Variants in RPL14 observed in about 807,000 individuals in gnomAD.
RPL14 encodes the protein ribosomal protein L14.
RPL14 carries 4 observed loss-of-function variants against 25.3 expected under a neutral mutation model. That is an observed-to-expected ratio of 0.16 (90% confidence interval 0.08 to 0.36). The LOEUF is 0.36. Among genes scored for constraint, RPL14 ranks in the 10% least tolerant of loss-of-function variants. The pLI is 1.00. For synonymous variants in RPL14, 75 were observed against 89.8 expected, an observed-to-expected ratio of 0.84 and a Z score of 0.93; for missense variants, 212 against 261.9, an observed-to-expected ratio of 0.81 and a Z score of 1.31.
At position 40,457,388 on chromosome 3, in the gene RPL14, G is replaced by A; in HGVS notation, c.-84G>A. ...GGTGAGTCTTACTGTTGCGGGCTCC[G>A]GGGCCGTCGACCATGCCGCTCGACC... On this transcript the variant is annotated 5_prime_UTR_variant, in exon 1 of 6. Transcript: ENST00000396203. The A allele has an allele frequency of 1.9e-6, 3 of 1,602,398 alleles. No individual in the cohort carries two copies. Among genetic ancestry groups the A allele is most frequent in the East Asian group, 4.6e-5 (2 of 43,782 alleles).
At position 40,464,938 on chromosome 3, in the gene RPL14, C is replaced by T; in HGVS notation, c.*2706C>T. On this transcript the variant is annotated 3_prime_UTR_variant, in exon 6 of 6. Coordinates refer to ENST00000396203, the MANE Select transcript of RPL14 (RefSeq NM_001034996.3). The stretch of plus-strand genomic sequence containing the variant: ...GACTGCAGACAATCTATACTAAAAT[C>T]CTGGCTCTGCCTCTTGAAAGCTATG... The T allele has an allele frequency of 5.8e-6, 1 of 172,854 alleles. No individual in the cohort carries two copies. Among genetic ancestry groups the T allele is most frequent in the Admixed American group, 5.6e-5 (1 of 17,952 alleles). The allele number at this position is 172,854 out of a possible 1,614,324, so 10.7% of individuals were successfully genotyped here. A position where few individuals can be genotyped will look rare whatever the true frequency, so the allele number is the denominator to read the frequency against.
Position 40,464,628 on chromosome 3 carries a change from A to G in RPL14, c.*2396A>G. ...TTTTTAAAATGGCGTGATATCTCAG[A>G]TTTAGATCATTGAACTGTTAAGACT... On this transcript the variant is annotated 3_prime_UTR_variant, in exon 6 of 6. Coordinates refer to ENST00000396203, the MANE Select transcript of RPL14 (RefSeq NM_001034996.3). 1 of 427,796 alleles carries G rather than the reference A, an allele frequency of 2.3e-6. No homozygotes were observed. Among genetic ancestry groups the G allele is most frequent in the South Asian group, 1.7e-5 (1 of 59,704 alleles). The allele number at this position is 427,796 out of a possible 1,614,324, so 26.5% of individuals were successfully genotyped here.
rs1456656696 is a variant in RPL14, at chr3:40,467,371, T to C, written c.*5139T>C. Reference sequence around the variant, plus strand: ...AAACTGGGTCCAGAGGCCTGAGAACTGGAAGGGCCAGTGGTGTAAGTCCTG... The same window carrying C: ...AAACTGGGTCCAGAGGCCTGAGAACCGGAAGGGCCAGTGGTGTAAGTCCTG... On this transcript the variant is annotated 3_prime_UTR_variant, in exon 6 of 6. Transcript: ENST00000396203. 6.6e-6 allele frequency: 1 copy of C among 152,230 alleles called. No individual in the cohort carries two copies. Among genetic ancestry groups the C allele is most frequent in the East Asian group, 1.9e-4 (1 of 5,204 alleles). The allele number at this position is 152,230 out of a possible 1,614,324, so 9.4% of individuals were successfully genotyped here. A position where few individuals can be genotyped will look rare whatever the true frequency, so the allele number is the denominator to read the frequency against.
rs28489421 is a variant in RPL14, at chr3:40,466,017, C to T, written c.*3785C>T. 38,856 of 151,718 alleles carry T rather than the reference C, an allele frequency of 0.26. 5,802 individuals carry two copies. The highest frequency in any genetic ancestry group is 0.48 in the East Asian group (2,439 of 5,110). The allele number at this position is 151,718 out of a possible 1,614,324, so 9.4% of individuals were successfully genotyped here. A position where few individuals can be genotyped will look rare whatever the true frequency, so the allele number is the denominator to read the frequency against. Reference sequence around the variant, plus strand: ...ACCAGCTTGGCCAACATGGTGAAACCCCGTCTTTACTAAAAATACAAAAAT... The same window carrying T: ...ACCAGCTTGGCCAACATGGTGAAACTCCGTCTTTACTAAAAATACAAAAAT... On this transcript the variant is annotated 3_prime_UTR_variant, in exon 6 of 6. Transcript: ENST00000396203.
rs1697030679 is a variant in RPL14, at chr3:40,466,577, C to A, written c.*4345C>A. 6.7e-6 allele frequency: 1 copy of A among 149,744 alleles called. No homozygotes were observed. Among genetic ancestry groups the A allele is most frequent in the Non-Finnish European group, 1.5e-5 (1 of 67,610 alleles). 9.3% of individuals were successfully genotyped at this position (149,744 alleles called of 1,614,324 possible). On this transcript the variant is annotated 3_prime_UTR_variant, in exon 6 of 6. Transcript: ENST00000396203. ...ATATTCAGGTTTAAATTCTGTCATTCAGCCCAAACTCATTACTTTATGTTA... is the reference window on the plus strand; with the variant it reads ...ATATTCAGGTTTAAATTCTGTCATTAAGCCCAAACTCATTACTTTATGTTA...
In RPL14 at chr3:40,457,924, C is replaced by T. The variant is rs181009417; in HGVS notation, c.38C>T (p.Ala13Val). The change falls in exon 2 of 6, where the codon GCC becomes GTC. Residue 13 changes from alanine to valine, a missense_variant. Physicochemically the swap from Ala to Val is moderately conservative, Grantham distance 64. Transcript: ENST00000396203. ...CGCTTCGTGGAGGTTGGCCGGGTGG[C>T]CTATGTCTCCTTTGGACCTCATGCC... ...FRRFVEVGRVAYVSFGPHAGK... is the reference protein window; with the variant it reads ...FRRFVEVGRVVYVSFGPHAGK... 6.2e-7 allele frequency: 1 copy of T among 1,614,202 alleles called. No individual in the cohort carries two copies. Among genetic ancestry groups the T allele is most frequent in the Admixed American group, 1.7e-5 (1 of 60,022 alleles).
At position 40,457,872 on chromosome 3, in the gene RPL14, T is replaced by C. The variant is rs1696868587; in HGVS notation, c.4-18T>C. Reference sequence around the variant, plus strand: ...TATTTCTAAGTAAGTTTCACTGTCCTTTCTCCTCCAATTTTAGGTGTTCAG... The same window carrying C: ...TATTTCTAAGTAAGTTTCACTGTCCCTTCTCCTCCAATTTTAGGTGTTCAG... On this transcript the variant is annotated intron_variant, in intron 1 of 5. Transcript: ENST00000396203. The C allele has an allele frequency of 1.9e-6, 3 of 1,610,628 alleles. No homozygotes were observed. Among genetic ancestry groups the C allele is most frequent in the Non-Finnish European group, 2.5e-6 (3 of 1,176,730 alleles).
At chr3:40,457,519 C>G (rs370120857) in intron 1 of RPL14, 45 bp downstream of exon 1, 44 of 1,434,640 alleles carry the variant, frequency 3.1e-5, no homozygotes, top group Non-Finnish European at 3.8e-5. Flanking sequence ...GGGCCCTTCC[C>G]GGACTCGCGC....
In RPL14 at chr3:40,464,140, A is replaced by G; in HGVS notation, c.*1908A>G. 1 of 291,106 alleles carries G rather than the reference A, an allele frequency of 3.4e-6. No individual in the cohort carries two copies. Among genetic ancestry groups the G allele is most frequent in the South Asian group, 3.4e-5 (1 of 29,414 alleles). 18.0% of individuals were successfully genotyped at this position (291,106 alleles called of 1,614,324 possible). ...TACCACCATGCCCCTCTAATATTGT[A>G]TTAGAGATGGGGTTTTGCCATGTCA... On this transcript the variant is annotated 3_prime_UTR_variant, in exon 6 of 6. Transcript: ENST00000396203.
At position 40,461,542 on chromosome 3, in the gene RPL14, CT is replaced by C. The variant is rs761509393; in HGVS notation, c.300+43del. ...AGGGTCATTTGAATTCTGGTCCTTT[CT>C]TTTTTTGGAGGGTTCAAGATAGTGT... On this transcript the variant is annotated intron_variant, in intron 4 of 5. Transcript: ENST00000396203. 26 of 1,609,820 alleles carry C rather than the reference CT, an allele frequency of 1.6e-5. No individual in the cohort carries two copies. In the East Asian group the frequency reaches 3.1e-4, roughly 19 times the overall value.
chr3:40,461,313 C>A, intron 3 of RPL14, 94 bp from the exon 4 acceptor site: 2 of 993,240 alleles, frequency 2.0e-6, no homozygotes, highest in South Asian at 1.4e-5. Flanking sequence ...TGTTGTGTAA[C>A]AGGAAGAGTG....
rs1696934555 is a variant in RPL14, at chr3:40,461,392, C to T, written c.201-15C>T. 6.2e-7 allele frequency: 1 copy of T among 1,611,268 alleles called. No homozygotes were observed. Among genetic ancestry groups the T allele is most frequent in the Non-Finnish European group, 8.5e-7 (1 of 1,177,724 alleles). ...CAAAGCTGATTTCTTAATCTGTGGT[C>T]TTGGCTCGTTCTAGTGCCCACCAGA... On this transcript the variant is annotated splice_polypyrimidine_tract_variant and intron_variant, in intron 3 of 5. Coordinates refer to ENST00000396203, the MANE Select transcript of RPL14 (RefSeq NM_001034996.3).
At chr3:40,459,040 C>A in intron 3 of RPL14, 1 of 312,720 alleles carries the variant, frequency 3.2e-6, no homozygotes, top group Non-Finnish European at 6.2e-6. Flanking sequence ...ATTCGTTGGG[C>A]ATGGTGGCAC....
At chr3:40,461,578 A>C in intron 4 of RPL14, 30 bp from the exon 5 acceptor site, 2 of 1,601,362 alleles carry the variant, frequency 1.2e-6, no homozygotes, top group Non-Finnish European at 1.7e-6. Flanking sequence ...TGAGAGGGAT[A>C]ATTTTTATTT....
In RPL14 at chr3:40,466,657, G is replaced by T. The variant is rs1480354367; in HGVS notation, c.*4425G>T. ...ATCCTGATACCTGCCTCATATTGTGGCAAGGATCAAATGAGTCAAATAAGA... is the reference window on the plus strand; with the variant it reads ...ATCCTGATACCTGCCTCATATTGTGTCAAGGATCAAATGAGTCAAATAAGA... On this transcript the variant is annotated 3_prime_UTR_variant, in exon 6 of 6. Coordinates refer to ENST00000396203, the MANE Select transcript of RPL14 (RefSeq NM_001034996.3). The T allele has an allele frequency of 9.2e-5, 14 of 152,132 alleles. No individual in the cohort carries two copies. The highest frequency in any genetic ancestry group is 9.2e-4 in the Admixed American group (14 of 15,264). The allele number at this position is 152,132 out of a possible 1,614,324, so 9.4% of individuals were successfully genotyped here. A position where few individuals can be genotyped will look rare whatever the true frequency, so the allele number is the denominator to read the frequency against.
In RPL14 at chr3:40,462,373, C is replaced by CTGTT. The variant is rs1553649585; in HGVS notation, c.*142_*143insGTTT. The CTGTT allele has an allele frequency of 7.3e-5, 24 of 329,066 alleles. No homozygotes were observed. The highest frequency in any genetic ancestry group is 9.6e-5 in the Non-Finnish European group (20 of 207,686). The allele number at this position is 329,066 out of a possible 1,614,324, so 20.4% of individuals were successfully genotyped here. A position where few individuals can be genotyped will look rare whatever the true frequency, so the allele number is the denominator to read the frequency against. ...ATAATAAACATTAAATAATCAGTTC[C>CTGTT]TTTTTTTTTTTTTTTTTTTTTGAGA... On this transcript the variant is annotated 3_prime_UTR_variant, in exon 6 of 6. Coordinates refer to ENST00000396203, the MANE Select transcript of RPL14 (RefSeq NM_001034996.3).
rs1446398433 is a variant in RPL14, at chr3:40,466,867, A to C, written c.*4635A>C. 1.3e-5 allele frequency: 2 copies of C among 152,168 alleles called. No individual in the cohort carries two copies. 9.4% of individuals were successfully genotyped at this position (152,168 alleles called of 1,614,324 possible). On this transcript the variant is annotated 3_prime_UTR_variant, in exon 6 of 6. Transcript: ENST00000396203. ...CTCTAAGTAATTGGCATGTCCTCTA[A>C]TTCATATTTTCCCCCCTCATCTGTT...
chr3:40,461,575 G>T, intron 4 of RPL14, 33 bp from the exon 5 acceptor site: 1 of 1,599,762 alleles, frequency 6.3e-7, no homozygotes, highest in Non-Finnish European at 8.5e-7. Flanking sequence ...GTGTGAGAGG[G>T]ATAATTTTTA....
At position 40,467,134 on chromosome 3, in the gene RPL14, A is replaced by G. The variant is rs1033360855; in HGVS notation, c.*4902A>G. 6.6e-6 allele frequency: 1 copy of G among 152,172 alleles called. No homozygotes were observed. The highest frequency in any genetic ancestry group is 6.5e-5 in the Admixed American group (1 of 15,274). The allele number at this position is 152,172 out of a possible 1,614,324, so 9.4% of individuals were successfully genotyped here. A position where few individuals can be genotyped will look rare whatever the true frequency, so the allele number is the denominator to read the frequency against. On this transcript the variant is annotated 3_prime_UTR_variant, in exon 6 of 6. Coordinates refer to ENST00000396203, the MANE Select transcript of RPL14 (RefSeq NM_001034996.3). ...GTGTTTGTAATATAGGTACATAAAAATATATGTGCTTGTTTTAAGCAAATT... is the reference window on the plus strand; with the variant it reads ...GTGTTTGTAATATAGGTACATAAAAGTATATGTGCTTGTTTTAAGCAAATT...
Sources: allele counts gnomAD v4.1 joint callset, GRCh38; gene constraint gnomAD v4.1.1; transcripts MANE v1.5; gene names NCBI Gene and HGNC (gene_info 2026-07-23, HGNC 2026-07-21).